Variants in DPP4 observed in about 807,000 individuals in gnomAD.
DPP4 encodes the protein ADCP-2.
In DPP4, 93 loss-of-function variants were observed where a neutral mutation model predicts 122.4. The ratio of observed to expected loss-of-function variants is 0.76; its 90% CI spans 0.64 to 0.90. The LOEUF (loss-of-function observed/expected upper bound fraction) is 0.90, where lower values mean the gene tolerates loss of function less well. Ranked by LOEUF, DPP4 falls within the 40% of genes least tolerant of loss-of-function variation. DPP4 has a pLI of 0.00. For missense variants in DPP4, 914 were observed against 907.3 expected (o/e 1.01, Z -0.09); for synonymous variants, 321 against 302.9 (o/e 1.06, Z -0.62).
chr2:162,006,572 G>C (rs1340910745), intron 22 of DPP4, among the ~76,000 whole-genome samples: 1 of 152,054 alleles, frequency 6.6e-6, no homozygotes, highest in East Asian at 1.9e-4. Context: ...ATTAATATCT[G>C]TCTGCTGAAA....
chr2:162,011,918 G>A lies in DPP4; in HGVS notation c.1707C>T (p.Ser569=). The change falls in exon 20 of 26, where the codon AGC becomes AGT. Residue 569 remains serine, a synonymous_variant. Coordinates refer to ENST00000360534, the MANE Select transcript of DPP4 (RefSeq NM_001935.4). The part of the protein sequence containing the change: ...FRLNWATYLA[S]TENIIVASFD... Reference sequence around the variant, plus strand: ...AGCTAGCTACTATAATGTTTTCTGTGCTTGCAAGGTAAGTGGCCCAGTTCA... The same window carrying A: ...AGCTAGCTACTATAATGTTTTCTGTACTTGCAAGGTAAGTGGCCCAGTTCA... 1.9e-6 allele frequency: 3 copies of A among 1,613,754 alleles called. No homozygotes were observed. The highest frequency in any genetic ancestry group is 2.5e-6 in the Non-Finnish European group (3 of 1,179,744).
intron 16 of DPP4, 26 bp from the exon 17 acceptor site, chr2:162,017,181 T>A: frequency 6.2e-7 from 1 of 1,603,788 alleles, no homozygotes; most frequent in Non-Finnish European, 8.5e-7. Context: ...GGGAAAAATG[T>A]TTTGGATGAA....
chr2:161,995,379 T>C lies in DPP4; in HGVS notation c.2053-7A>G, dbSNP rs1700976245. The C allele has an allele frequency of 1.9e-6, 3 of 1,611,044 alleles. No individual in the cohort carries two copies. Among genetic ancestry groups the C allele is most frequent in the African/African-American group, 1.3e-5 (1 of 74,856 alleles). ...TGCTCATGACTGTTGAATTCTGGAATTGGGAGAAAGAATGTCATTATTCAA... is the reference window on the plus strand; with the variant it reads ...TGCTCATGACTGTTGAATTCTGGAACTGGGAGAAAGAATGTCATTATTCAA... On this transcript the variant is annotated splice_region_variant and splice_polypyrimidine_tract_variant and intron_variant, in intron 23 of 25. Coordinates refer to ENST00000360534, the MANE Select transcript of DPP4 (RefSeq NM_001935.4).
Position 162,016,794 on chromosome 2 carries a change from A to C in DPP4, c.1541T>G (p.Leu514Arg). 1 of 1,612,682 alleles carries C rather than the reference A, an allele frequency of 6.2e-7. No homozygotes were observed. The highest frequency in any genetic ancestry group is 8.5e-7 in the Non-Finnish European group (1 of 1,179,670). Residue 514 changes from leucine to arginine, a missense_variant, in exon 18 of 26, where the codon CTG (leucine) becomes CGG (arginine). Leu to Arg is a moderately radical substitution (Grantham distance 102). Transcript: ENST00000360534. ...LQNVQMPSKK[L>R]DFIILNETKF... The stretch of plus-strand genomic sequence containing the variant: ...TGTTTCATTCAAAATAATGAAGTCC[A>C]GTTTTTTGGAGGGCATCTGGACATT...
chr2:161,995,949 G>T (rs1347756374), intron 23 of DPP4, among the ~76,000 whole-genome samples: 1 of 152,186 alleles, frequency 6.6e-6, no homozygotes. Context: ...ACATATGGGA[G>T]GGGAAGGGGG....
Position 162,017,129 on chromosome 2 carries a change from G to A in DPP4, c.1447C>T (p.His483Tyr). 2 of 1,612,338 alleles carry A rather than the reference G, an allele frequency of 1.2e-6. No homozygotes were observed. The highest frequency in any genetic ancestry group is 2.2e-5 in the South Asian group (2 of 90,898). The change falls in exon 17 of 26, where the codon CAC (histidine) becomes TAC (tyrosine). Residue 483 changes from histidine (H) to tyrosine (Y), a missense_variant. His to Tyr is a moderately conservative substitution (Grantham distance 83). Transcript: ENST00000360534. ...ATACCTTTATCATTCACGCTGCTGT[G>A]TAGAGTATAGAGGGGCAGACCAGGA... ...SGPGLPLYTL[H>Y]SSVNDKGLRV...
Position 162,020,302 on chromosome 2 carries a change from GGT to G in DPP4, c.1177-8_1177-7del. 7.7e-7 allele frequency: 1 copy of G among 1,290,974 alleles called. No individual in the cohort carries two copies. Among genetic ancestry groups the G allele is most frequent in the East Asian group, 3.3e-5 (1 of 30,134 alleles). 80.0% of individuals were successfully genotyped at this position (1,290,974 alleles called of 1,614,324 possible). A position where few individuals can be genotyped will look rare whatever the true frequency, so the allele number is the denominator to read the frequency against. ...TTTGTAATAAATGTGCAGTCCTGAT[GGT>G]TTTTTTTTTTTTTCAAAAAAAAAAA... is the stretch of plus-strand genomic sequence containing the variant. On this transcript the variant is annotated splice_polypyrimidine_tract_variant and splice_region_variant and intron_variant, in intron 13 of 25. Coordinates refer to ENST00000360534, the MANE Select transcript of DPP4 (RefSeq NM_001935.4).
intron 11 of DPP4, among the ~76,000 whole-genome samples, chr2:162,023,016 C>T (rs1683190435): frequency 1.3e-5 from 2 of 152,218 alleles, no homozygotes; most frequent in South Asian, 4.1e-4. Context: ...GGAAGCTCCA[C>T]TGGTGTTTTA....
At chr2:162,039,077 C>T in intron 6 of DPP4, 55 bp downstream of exon 6, 1 of 1,611,672 alleles carries the variant, frequency 6.2e-7, no homozygotes, top group Non-Finnish European at 8.5e-7. Flanking sequence ...ATTGGGGTTT[C>T]CTTAAAAATA....
At chr2:162,030,695 G>T (rs934884895) in intron 10 of DPP4, among the ~76,000 whole-genome samples, 1 of 152,036 alleles carries the variant, frequency 6.6e-6, no homozygotes, top group South Asian at 2.1e-4. Context: ...TAGAAAAACC[G>T]CAACCTTACC....
intron 19 of DPP4, 90 bp downstream of exon 19, chr2:162,014,306 C>A (rs1000837386): frequency 7.9e-6 from 8 of 1,007,750 alleles, no homozygotes; most frequent in African/African-American, 1.6e-5. Context: ...AGGGAAAGGA[C>A]GCATTTGGCT....
intron 14 of DPP4, among the ~76,000 whole-genome samples, chr2:162,019,498 C>A (rs980688076): frequency 2.0e-5 from 3 of 151,182 alleles, no homozygotes; most frequent in Non-Finnish European, 2.9e-5. Flanking sequence ...ATATGTAAAA[C>A]CAGAGATTTC....
intron 2 of DPP4, among the ~76,000 whole-genome samples, chr2:162,053,094 G>A (rs1684438645): frequency 6.6e-6 from 1 of 152,228 alleles, no homozygotes; most frequent in South Asian, 2.1e-4. Context: ...AATCATAAGG[G>A]AAGATTTGGA....
intron 2 of DPP4, among the ~76,000 whole-genome samples, chr2:162,059,272 T>A (rs1684680308): frequency 6.6e-6 from 1 of 152,054 alleles, no homozygotes; most frequent in Non-Finnish European, 1.5e-5. Flanking sequence ...TTATAGTCAC[T>A]CCCTCTTTTC....
intron 22 of DPP4, among the ~76,000 whole-genome samples, chr2:162,008,359 C>A (rs1039540609): frequency 3.9e-5 from 6 of 152,072 alleles, no homozygotes; most frequent in African/African-American, 1.4e-4. Flanking sequence ...AAAAATCAAA[C>A]GTGTAATAAA....
At chr2:162,003,100 C>T (rs766889774) in intron 23 of DPP4, among the ~76,000 whole-genome samples, 2 of 152,160 alleles carry the variant, frequency 1.3e-5, no homozygotes, top group Admixed American at 6.5e-5. Context: ...GAATTTTGTG[C>T]CAAGAAAACC....
chr2:162,030,067 G>T (rs1683488184), intron 10 of DPP4, among the ~76,000 whole-genome samples: 1 of 152,142 alleles, frequency 6.6e-6, no homozygotes, highest in African/African-American at 2.4e-5. Flanking sequence ...TTGCAGGATT[G>T]GCCTCTACTG....
chr2:162,059,973 T>G (rs1684707830), intron 2 of DPP4, among the ~76,000 whole-genome samples: 1 of 152,234 alleles, frequency 6.6e-6, no homozygotes, highest in African/African-American at 2.4e-5. Flanking sequence ...CTTATGCTCA[T>G]TCCCATTTTA....
At chr2:162,064,087 T>C (rs1684874653) in intron 2 of DPP4, among the ~76,000 whole-genome samples, 2 of 152,232 alleles carry the variant, frequency 1.3e-5, no homozygotes. Flanking sequence ...ATTGAAGTTC[T>C]CTTCTAATGG....
Sources: allele counts gnomAD v4.1 joint callset (sites outside exome capture counted in the v4.1 genomes callset), GRCh38; gene constraint gnomAD v4.1.1; transcripts MANE v1.5; gene names NCBI Gene and HGNC (gene_info 2026-07-23, HGNC 2026-07-21).